ASPM: variants seen among roughly 807,000 people sequenced by gnomAD.
ASPM encodes assembly factor for spindle microtubules, also known as abnormal spindle-like microcephaly-associated protein.
In ASPM, 256 loss-of-function variants were observed where a neutral mutation model predicts 366.4. That is an observed-to-expected ratio of 0.70 (90% confidence interval 0.63 to 0.77). The LOEUF (loss-of-function observed/expected upper bound fraction) is 0.77, where lower values mean the gene tolerates loss of function less well. Ranked by LOEUF, ASPM falls within the 30% of genes least tolerant of loss-of-function variation. The pLI, the probability that ASPM is intolerant of heterozygous loss-of-function variation, is 0.00. For missense variants in ASPM, 4,146 were observed against 4,090.4 expected, an observed-to-expected ratio of 1.01 and a Z score of -0.37; for synonymous variants, 1,414 against 1,342.9, an observed-to-expected ratio of 1.05 and a Z score of -1.16.
rs768966885 is a variant in ASPM at position 197,122,455 on chromosome 1, C to A, written c.3531G>T (p.Val1177=). The A allele has an allele frequency of 6.2e-7, 1 of 1,613,798 alleles. No homozygotes were observed. The highest frequency in any genetic ancestry group is 8.5e-7 in the Non-Finnish European group (1 of 1,179,824). Residue 1177 remains valine (V), a synonymous_variant, in exon 14 of 28, where the codon GTG becomes GTT. Coordinates refer to ENST00000367409, the MANE Select transcript of ASPM (RefSeq NM_018136.5). The part of the protein sequence containing the change: ...QTVECTQTGS[V]VLNSSSESDD... Reference sequence around the variant, plus strand: ...CAGATTCAGATGATGAATTTAATACCACTGAACCAGTTTGCGTACATTCCA... The same window carrying A: ...CAGATTCAGATGATGAATTTAATACAACTGAACCAGTTTGCGTACATTCCA...
Position 197,102,734 on chromosome 1 carries a change from G to T in ASPM, c.6517C>A (p.Leu2173Ile). The T allele has an allele frequency of 6.2e-7, 1 of 1,612,604 alleles. No individual in the cohort carries two copies. The highest frequency in any genetic ancestry group is 1.1e-5 in the South Asian group (1 of 91,056). The change falls in exon 18 of 28, where the codon CTT (leucine) becomes ATT (isoleucine). Residue 2173 changes from leucine to isoleucine, a missense_variant. Leu to Ile is a conservative substitution (Grantham distance 5). Coordinates refer to ENST00000367409, the MANE Select transcript of ASPM (RefSeq NM_018136.5). ...CTTACTCCTCTAAAACTTGCCTGAAGGACTTTAACAGCTTTCAAAATTGTC... is the reference window on the plus strand; with the variant it reads ...CTTACTCCTCTAAAACTTGCCTGAATGACTTTAACAGCTTTCAAAATTGTC... Reference protein sequence around the residue: ...YLTILKAVKVLQASFRGVRVR... With the variant: ...YLTILKAVKVIQASFRGVRVR...
chr1:197,127,181 CT>C (rs1296721566), intron 10 of ASPM, among the ~76,000 whole-genome samples: 7 of 152,254 alleles, frequency 4.6e-5, no homozygotes, highest in Non-Finnish European at 1.0e-4. Flanking sequence ...AAAGTTATCT[CT>C]AGTCGAAACA....
intron 22 of ASPM, 112 bp downstream of exon 22, chr1:197,091,795 G>T: frequency 1.8e-6 from 2 of 1,137,540 alleles, no homozygotes; most frequent in African/African-American, 1.6e-5. Flanking sequence ...AAGGTGAAAG[G>T]CTAAATGTTG....
chr1:197,086,997 T>A, intron 26 of ASPM, 25 bp from the exon 27 acceptor site: 6 of 1,579,644 alleles, frequency 3.8e-6, no homozygotes, highest in Non-Finnish European at 5.2e-6. Context: ...GCACAGTTAC[T>A]AAAAAGTAAT....
In ASPM at chr1:197,103,595, G is replaced by A. The variant is rs781257567; in HGVS notation, c.5656C>T (p.Arg1886Cys). Residue 1886 changes from arginine to cysteine, a missense_variant, in exon 18 of 28, where the codon CGT becomes TGT. Arg to Cys is a radical substitution (Grantham distance 180, BLOSUM62 -3). Around this residue, in one of 3 missense-constraint regions of ASPM, gnomAD observed 3,624 missense variants for 3,591.7 expected, o/e 1.01. Coordinates refer to ENST00000367409, the MANE Select transcript of ASPM (RefSeq NM_018136.5). ...ATCTGTTTCCGAACCTTCCAGCCAC[G>A]ATAAGCAGACTGGAGGGAAATCACA... ...AAVISLQSAY[R>C]GWKVRKQIRR... 18 of 1,612,726 alleles carry A rather than the reference G, an allele frequency of 1.1e-5. No individual in the cohort carries two copies. Among genetic ancestry groups the A allele is most frequent in the Admixed American group, 3.3e-5 (2 of 59,750 alleles).
At chr1:197,110,660 C>T (rs1314201845) in intron 17 of ASPM, among the ~76,000 whole-genome samples, 2 of 151,900 alleles carry the variant, frequency 1.3e-5, no homozygotes, top group Non-Finnish European at 2.9e-5. Context: ...CCAGATTTCA[C>T]CTACTGCTAC....
In ASPM at chr1:197,101,879, T is replaced by C. The variant is rs560411441; in HGVS notation, c.7372A>G (p.Arg2458Gly). 198 of 1,612,862 alleles carry C rather than the reference T, an allele frequency of 1.2e-4. 6 individuals carry two copies. The South Asian group carries it at 2.1e-3, about 17-fold the overall frequency. The change falls in exon 18 of 28, where the codon AGA becomes GGA. Residue 2458 changes from arginine (R) to glycine (G), a missense_variant. Arg to Gly is a moderately radical substitution (Grantham distance 125). Transcript: ENST00000367409. ...KHKLYQFLHLRKAAITIQSSY... is the reference protein window; with the variant it reads ...KHKLYQFLHLGKAAITIQSSY... Reference sequence around the variant, plus strand: ...GACTGTATTGTAATGGCTGCCTTTCTTAAGTGCAAGAATTGGTACAATTTA... The same window carrying C: ...GACTGTATTGTAATGGCTGCCTTTCCTAAGTGCAAGAATTGGTACAATTTA...
chr1:197,137,471 G>T (rs1341644768), intron 4 of ASPM, among the ~76,000 whole-genome samples: 1 of 152,146 alleles, frequency 6.6e-6, no homozygotes, highest in African/African-American at 2.4e-5. Flanking sequence ...AGTCATCGTA[G>T]GCCGGGCATG....
rs183166987 is a variant in ASPM at position 197,098,297 on chromosome 1, G to A, written c.8821-2133C>T. Among the ~76,000 whole-genome samples, 43 of 151,516 alleles carry A rather than the reference G, an allele frequency of 2.8e-4. No individual in the cohort carries two copies. In the East Asian group the frequency reaches 7.2e-3, roughly 25 times the overall value. ...TTCGCTGCTCATTAGAGTCACCTGG[G>A]AGCTTTGAAACAAATCCCACGCTTG... On this transcript the variant is annotated intron_variant, in intron 18 of 27. Transcript: ENST00000367409.
At chr1:197,118,525 C>A (rs990165318) in intron 16 of ASPM, among the ~76,000 whole-genome samples, 17 of 152,044 alleles carry the variant, frequency 1.1e-4, no homozygotes, top group African/African-American at 4.1e-4. Flanking sequence ...ATCTGAGATG[C>A]CCAACATTTG....
chr1:197,086,816 TG>T lies in ASPM; in HGVS notation c.10317del (p.Arg3440GlufsTer2). The T allele has an allele frequency of 6.2e-7, 1 of 1,608,638 alleles. No homozygotes were observed. The highest frequency in any genetic ancestry group is 8.5e-7 in the Non-Finnish European group (1 of 1,175,382). On this transcript the variant is annotated frameshift_variant, in exon 27 of 28. Transcript: ENST00000367409. LOFTEE classifies it high-confidence loss of function. ...TTAATTGCTTACCTTGAAACTATTC[TG>T]GTCCTTACAGGTGTTTCTGGGATAA... is the stretch of plus-strand genomic sequence containing the variant. Reference protein sequence around the residue: ...IPFIPETPVRTRIVSRLKPDW... With the variant: ...IPFIPETPVRXRIVSRLKPDW...
intron 17 of ASPM, among the ~76,000 whole-genome samples, chr1:197,106,805 C>T (rs900942267): frequency 2.6e-5 from 4 of 152,038 alleles, no homozygotes; most frequent in Non-Finnish European, 5.9e-5. Context: ...GAAAGGAACA[C>T]TAATGTTACA....
chr1:197,097,671 A>T (rs1428977940), intron 18 of ASPM, among the ~76,000 whole-genome samples: 1 of 151,640 alleles, frequency 6.6e-6, no homozygotes, highest in Non-Finnish European at 1.5e-5. Context: ...AATACCTGCC[A>T]CCTCAGTCTT....
In ASPM at chr1:197,096,147, A is replaced by G. The variant is rs746637313; in HGVS notation, c.8838T>C (p.Tyr2946=). The change falls in exon 19 of 28, where the codon TAT becomes TAC. Residue 2946 remains tyrosine, a synonymous_variant. Coordinates refer to ENST00000367409, the MANE Select transcript of ASPM (RefSeq NM_018136.5). ...CTTTACATAAATATTTCTTGGCTCT[A>G]TATCTCCTCCACATAGCCTATTAAA... ...TIKIQAMWRR[Y]RAKKYLCKVK... is the part of the protein sequence containing the mutation. 7.5e-6 allele frequency: 12 copies of G among 1,606,086 alleles called. No homozygotes were observed. Among genetic ancestry groups the G allele is most frequent in the African/African-American group, 5.4e-5 (4 of 74,618 alleles).
At chr1:197,135,922 C>T (rs2125110766) in intron 4 of ASPM, among the ~76,000 whole-genome samples, 1 of 152,224 alleles carries the variant, frequency 6.6e-6, no homozygotes, top group East Asian at 1.9e-4. Context: ...CACTGCACTC[C>T]AGCCTGGGCA....
intron 12 of ASPM, 50 bp from the exon 13 acceptor site, chr1:197,124,381 AT>A: frequency 2.4e-6 from 3 of 1,270,558 alleles, no homozygotes; most frequent in South Asian, 1.3e-5. Flanking sequence ...TCCATAGATT[AT>A]TTTTAACCCA....
chr1:197,128,683 C>A lies in ASPM; in HGVS notation c.2761-18G>T, dbSNP rs1265943256. 1 of 1,568,982 alleles carries A rather than the reference C, an allele frequency of 6.4e-7. No individual in the cohort carries two copies. The highest frequency in any genetic ancestry group is 1.4e-5 in the African/African-American group (1 of 73,232). On this transcript the variant is annotated intron_variant, in intron 9 of 27. Coordinates refer to ENST00000367409, the MANE Select transcript of ASPM (RefSeq NM_018136.5). Reference sequence around the variant, plus strand: ...TTACTAGCCTATAAAGAAATAAGTTCCAGATATTATATTCCAATATTATAA... The same window carrying A: ...TTACTAGCCTATAAAGAAATAAGTTACAGATATTATATTCCAATATTATAA...
At chr1:197,125,917 T>A (rs1263757835) in intron 10 of ASPM, among the ~76,000 whole-genome samples, 1 of 152,056 alleles carries the variant, frequency 6.6e-6, no homozygotes, top group African/African-American at 2.4e-5. Context: ...AGGCCAACCA[T>A]CCAGTCAATT....
At chr1:197,100,389 G>T in intron 18 of ASPM, 42 bp downstream of exon 18, 1 of 1,283,048 alleles carries the variant, frequency 7.8e-7, no homozygotes, top group Admixed American at 2.7e-5. Context: ...TTGGTCAAAA[G>T]AAAGACTCAC....
Sources: allele counts gnomAD v4.1 joint callset (sites outside exome capture counted in the v4.1 genomes callset), GRCh38; gene constraint gnomAD v4.1.1; regional missense constraint gnomAD v4.1.1; transcripts MANE v1.5; gene names NCBI Gene and HGNC (gene_info 2026-07-23, HGNC 2026-07-21).